NPAS2: variants seen among roughly 807,000 people sequenced by gnomAD.
NPAS2 encodes neuronal PAS domain protein 2.
In NPAS2, 23 loss-of-function variants were observed where a neutral mutation model predicts 107.5. The observed-to-expected ratio is 0.21, with a 90% CI of 0.15 to 0.30. The LOEUF (loss-of-function observed/expected upper bound fraction) is 0.30. Ranked by LOEUF, NPAS2 falls within the 10% of genes least tolerant of loss-of-function variation. NPAS2 has a pLI of 1.00. For synonymous variants in NPAS2, 403 were observed against 417.5 expected, an observed-to-expected ratio of 0.97 and a Z score of 0.42; for missense variants, 756 against 1,043.3, an observed-to-expected ratio of 0.72 and a Z score of 3.79.
In NPAS2 at chr2:100,965,880, G is replaced by A; in HGVS notation, c.907+114G>A. ...TGCTCGTTACCTGGTTTCTTTTTAA[G>A]GTGAGGAACTTGGTTTTCTCTGAGA... On this transcript the variant is annotated intron_variant, in intron 10 of 20. Coordinates refer to ENST00000335681, the MANE Select transcript of NPAS2 (RefSeq NM_002518.4). This position sits in a 1 kb window ranked among gnomAD's most constrained non-coding sequence, Gnocchi z 4.3. 1.5e-6 allele frequency: 1 copy of A among 680,368 alleles called. No homozygotes were observed. The highest frequency in any genetic ancestry group is 2.6e-6 in the Non-Finnish European group (1 of 389,894). The allele number at this position is 680,368 out of a possible 1,614,324, so 42.1% of individuals were successfully genotyped here.
rs146484287 is a variant in NPAS2 at position 100,925,512 on chromosome 2, C to T, written c.181+218C>T. On this transcript the variant is annotated intron_variant, in intron 3 of 20. Coordinates refer to ENST00000335681, the MANE Select transcript of NPAS2 (RefSeq NM_002518.4). Reference sequence around the variant, plus strand: ...CCTCCCAATTGCATTATAAGCCAGACGAGAGAATCCAAAACAACCTCACAG... The same window carrying T: ...CCTCCCAATTGCATTATAAGCCAGATGAGAGAATCCAAAACAACCTCACAG... 6.1e-3 allele frequency among the ~76,000 whole-genome samples: 923 copies of T among 152,262 alleles called. 5 individuals are homozygous for T. Among genetic ancestry groups the T allele is most frequent in the Non-Finnish European group, 8.3e-3 (567 of 68,034 alleles).
chr2:100,874,327 G>A (rs971286515), intron 1 of NPAS2, among the ~76,000 whole-genome samples: 1 of 152,276 alleles, frequency 6.6e-6, no homozygotes, highest in East Asian at 1.9e-4. Context: ...GCAGAACAAC[G>A]ATTGGTCATG....
intron 17 of NPAS2, 56 bp from the exon 18 acceptor site, chr2:100,990,200 G>A (rs1355992685): frequency 1.3e-6 from 2 of 1,546,766 alleles, no homozygotes; most frequent in African/African-American, 2.7e-5. Context: ...GTTTCCTGGA[G>A]AGATGGCCCA....
intron 1 of NPAS2, among the ~76,000 whole-genome samples, chr2:100,874,773 A>C (rs566095924): frequency 3.9e-5 from 6 of 152,158 alleles, no homozygotes; most frequent in African/African-American, 1.4e-4. Context: ...AGTAAACATC[A>C]GTTTTCTGCA....
At chr2:100,904,858 G>A in intron 2 of NPAS2, 72 bp downstream of exon 2, 1 of 1,140,324 alleles carries the variant, frequency 8.8e-7, no homozygotes, top group Non-Finnish European at 1.3e-6. Flanking sequence ...GAATCTCGCT[G>A]GCTTTCACTC....
intron 5 of NPAS2, among the ~76,000 whole-genome samples, chr2:100,944,409 C>T (rs769217364): frequency 6.6e-6 from 1 of 152,118 alleles, no homozygotes; most frequent in Non-Finnish European, 1.5e-5. Flanking sequence ...TGGTTCAAGG[C>T]CCGTCAGGCA....
chr2:100,829,220 T>C (rs947674863), intron 1 of NPAS2, among the ~76,000 whole-genome samples: 10 of 151,696 alleles, frequency 6.6e-5, no homozygotes, highest in South Asian at 2.1e-4. Context: ...AGTCTCATTC[T>C]GTCGCCCAGG....
Position 100,993,399 on chromosome 2 carries a change from A to G in NPAS2, c.2164A>G (p.Ser722Gly). The change falls in exon 20 of 21, where the codon AGC (serine) becomes GGC (glycine). Residue 722 changes from serine to glycine, a missense_variant. Ser to Gly is a moderately conservative substitution (Grantham distance 56). This residue lies in a region of NPAS2 where 496 missense variants were observed against 594.4 expected (regional missense o/e 0.83). Transcript: ENST00000335681. ...AAATCCAGACGCACACCCCGCCAACAGCAGCAGCGCCCCGATGCCCGTCCT... is the reference window on the plus strand; with the variant it reads ...AAATCCAGACGCACACCCCGCCAACGGCAGCAGCGCCCCGATGCCCGTCCT... ...FQNPDAHPAN[S>G]SSAPMPVLLM... The G allele has an allele frequency of 6.2e-7, 1 of 1,611,382 alleles. No individual in the cohort carries two copies. Among genetic ancestry groups the G allele is most frequent in the Non-Finnish European group, 8.5e-7 (1 of 1,177,990 alleles).
chr2:100,927,359 C>T (rs1166345063), intron 3 of NPAS2, among the ~76,000 whole-genome samples: 4 of 152,194 alleles, frequency 2.6e-5, no homozygotes, highest in Non-Finnish European at 5.9e-5. Context: ...TTCCAGTTAT[C>T]CTGGCACTCC....
intron 7 of NPAS2, among the ~76,000 whole-genome samples, chr2:100,957,760 G>A (rs1558910372): frequency 1.3e-5 from 2 of 151,872 alleles, no homozygotes; most frequent in Non-Finnish European, 1.5e-5. Flanking sequence ...CCCCGTCTCT[G>A]CTAAAAATAC....
chr2:100,871,299 A>G (rs1312218990), intron 1 of NPAS2, among the ~76,000 whole-genome samples: 4 of 148,752 alleles, frequency 2.7e-5, no homozygotes, highest in Non-Finnish European at 4.4e-5. Context: ...CTGAGCTAGG[A>G]TGCTTGCTGC....
At chr2:100,944,920 G>A (rs888987186) in intron 5 of NPAS2, among the ~76,000 whole-genome samples, 3 of 152,144 alleles carry the variant, frequency 2.0e-5, no homozygotes, top group African/African-American at 7.2e-5. Flanking sequence ...CACCGTCAGG[G>A]GAAGTGGCTT....
At chr2:100,842,081 G>GCGCGCACA in intron 1 of NPAS2, among the ~76,000 whole-genome samples, 57 of 148,902 alleles carry the variant, frequency 3.8e-4, no homozygotes, top group African/African-American at 1.4e-3. Context: ...GCATGTACGC[G>GCGCGCACA]CACACACACA....
At chr2:100,989,554 T>C (rs1677987640) in intron 17 of NPAS2, 1 of 152,252 alleles carries the variant, frequency 6.6e-6, no homozygotes, top group South Asian at 2.1e-4. Context: ...CACTGTGTTA[T>C]CGGATGAATG....
intron 5 of NPAS2, among the ~76,000 whole-genome samples, chr2:100,944,748 C>G (rs1003788307): frequency 3.9e-5 from 6 of 152,172 alleles, no homozygotes; most frequent in Non-Finnish European, 1.5e-5. Context: ...ACCATCCTCG[C>G]AACCTCCCAC....
At chr2:100,954,161 G>T (rs1418629484) in intron 7 of NPAS2, among the ~76,000 whole-genome samples, 2 of 152,198 alleles carry the variant, frequency 1.3e-5, no homozygotes, top group African/African-American at 4.8e-5. Flanking sequence ...TCTGGTGTCT[G>T]CCCGGGGATT....
rs1476483488 is a variant in NPAS2, at chr2:100,868,232, A to G, written c.-22-36501A>G. Among the ~76,000 whole-genome samples the G allele has an allele frequency of 2.0e-5, 3 of 152,192 alleles. No individual in the cohort carries two copies. The South Asian group carries it at 6.2e-4, about 31-fold the overall frequency. On this transcript the variant is annotated intron_variant, in intron 1 of 20. Coordinates refer to ENST00000335681, the MANE Select transcript of NPAS2 (RefSeq NM_002518.4). ...TCTTCATCTAAAATATCTCTATTTT[A>G]TCAATTGTTGAAAGATAGTTTTGCA...
chr2:100,850,586 G>C (rs764621335), intron 1 of NPAS2, among the ~76,000 whole-genome samples: 1 of 152,144 alleles, frequency 6.6e-6, no homozygotes, highest in African/African-American at 2.4e-5. Context: ...TAAGCAACCC[G>C]TGTGTCTGTC....
intron 1 of NPAS2, among the ~76,000 whole-genome samples, chr2:100,827,525 C>T (rs1676462156): frequency 6.6e-6 from 1 of 152,120 alleles, no homozygotes; most frequent in Non-Finnish European, 1.5e-5. Context: ...GGTTTTCAGT[C>T]CTTATCCCCT....
Sources: gnomAD v4.1 joint callset for allele counts (sites outside exome capture counted in the v4.1 genomes callset) on GRCh38, gnomAD v4.1.1 for gene constraint, gnomAD v4.1.1 regional missense constraint, Gnocchi (gnomAD v3.1) non-coding constraint, MANE v1.5 for transcripts, NCBI Gene and HGNC (gene_info 2026-07-23, HGNC 2026-07-21) for gene names.